The following MYO1G variants were observed in gnomAD, a reference collection of about 807,000 sequenced individuals.
MYO1G encodes the protein unconventional myosin-Ig.
Under a neutral mutation model 115.3 loss-of-function variants are expected in MYO1G, and 65 were observed. The ratio of observed to expected loss-of-function variants is 0.56; its 90% CI spans 0.46 to 0.69. MYO1G has a LOEUF of 0.69. Among genes scored for constraint, MYO1G ranks in the 30% least tolerant of loss-of-function variants. The pLI, the probability that MYO1G is intolerant of heterozygous loss-of-function variation, is 0.00. For missense variants in MYO1G, 1,204 were observed against 1,393.5 expected, an observed-to-expected ratio of 0.86 and a Z score of 2.16; for synonymous variants, 510 against 552.6, an observed-to-expected ratio of 0.92 and a Z score of 1.08.
Position 44,978,967 on chromosome 7 carries a change from C to T in MYO1G, c.-6G>A, listed in dbSNP as rs751474894. On this transcript the variant is annotated 5_prime_UTR_variant, in exon 1 of 22. Transcript: ENST00000258787. The stretch of plus-strand genomic sequence containing the variant: ...GGGCCTTCCTCGTCCTCCATCCTGC[C>T]GGCTGGAAACACCTTGCCTCACCTT... The T allele has an allele frequency of 1.2e-5, 19 of 1,613,748 alleles. No individual in the cohort carries two copies. Among genetic ancestry groups the T allele is most frequent in the Middle Eastern group, 1.6e-4 (1 of 6,084 alleles).
rs1562828257 is a variant in MYO1G at position 44,966,771 on chromosome 7, T to G, written c.1850A>C (p.His617Pro). Residue 617 changes from histidine (H) to proline (P), a missense_variant, in exon 15 of 22, where the codon CAC becomes CCC. Transcript: ENST00000258787. This position sits in a 1 kb window ranked among gnomAD's most constrained non-coding sequence, Gnocchi z 5.0. ...CAGGTATGCGACCTGGTGGCGACAG[T>G]GGTTCTCATCCAGCTTCCCAGCTAC... ...DKVAGKLDEN[H>P]CRHQVAYLGL... 1 of 1,613,606 alleles carries G rather than the reference T, an allele frequency of 6.2e-7. No homozygotes were observed. The highest frequency in any genetic ancestry group is 8.5e-7 in the Non-Finnish European group (1 of 1,179,982).
Position 44,963,195 on chromosome 7 carries a change from C to A in MYO1G, c.2746-71G>T. ...CCAGCCTAGCCGGACTCACCCCCTC[C>A]CCAGGAAGCCTCTGCCGAACCCCCA... On this transcript the variant is annotated intron_variant, in intron 20 of 21. Transcript: ENST00000258787. This position sits in a 1 kb window ranked among gnomAD's most constrained non-coding sequence, Gnocchi z 4.1. 7.3e-7 allele frequency: 1 copy of A among 1,374,970 alleles called. No individual in the cohort carries two copies. The highest frequency in any genetic ancestry group is 1.6e-5 in the South Asian group (1 of 61,572). 85.2% of individuals were successfully genotyped at this position (1,374,970 alleles called of 1,614,324 possible).
chr7:44,967,339 A>G (rs961407876), intron 14 of MYO1G, among the ~76,000 whole-genome samples: 24 of 152,116 alleles, frequency 1.6e-4, no homozygotes, highest in Non-Finnish European at 3.2e-4. Context: ...GGTCTCCCCA[A>G]ACCCCTCCCT....
chr7:44,971,902 C>CT (rs1450952965), intron 6 of MYO1G, 113 bp from the exon 7 acceptor site: 3 of 821,608 alleles, frequency 3.7e-6, no homozygotes, highest in Non-Finnish European at 5.9e-6. Flanking sequence ...CCCCTGTCCC[C>CT]TTCCTGAACC....
chr7:44,971,286 T>C (rs996024636), intron 7 of MYO1G, among the ~76,000 whole-genome samples: 1 of 146,060 alleles, frequency 6.8e-6, no homozygotes, highest in Non-Finnish European at 1.5e-5. Flanking sequence ...AGGCCTCGAG[T>C]CCAAATGACA....
rs970407219 is a variant in MYO1G at position 44,964,651 on chromosome 7, G to C, written c.2527-132C>G. The stretch of plus-strand genomic sequence containing the variant: ...GAAACTGAGTCACACAGACTTGTGC[G>C]TGAGCTGAGCAGCCCTGGATTTCCT... On this transcript the variant is annotated intron_variant, in intron 18 of 21. Coordinates refer to ENST00000258787, the MANE Select transcript of MYO1G (RefSeq NM_033054.3). This position sits in a 1 kb window ranked among gnomAD's most constrained non-coding sequence, Gnocchi z 5.1. 2 of 837,580 alleles carry C rather than the reference G, an allele frequency of 2.4e-6. No homozygotes were observed. The highest frequency in any genetic ancestry group is 3.9e-6 in the Non-Finnish European group (2 of 511,882). The allele number at this position is 837,580 out of a possible 1,614,324, so 51.9% of individuals were successfully genotyped here.
chr7:44,963,922 C>T lies in MYO1G; in HGVS notation c.2745+127G>A, dbSNP rs1341447894. ...GGATTTTCAGCACGGGTGCCACCAT[C>T]GCTGAGTTTTAGGATGGTCTGGGCC... is the stretch of plus-strand genomic sequence containing the variant. On this transcript the variant is annotated intron_variant, in intron 20 of 21. Coordinates refer to ENST00000258787, the MANE Select transcript of MYO1G (RefSeq NM_033054.3). This position sits in a 1 kb window ranked among gnomAD's most constrained non-coding sequence, Gnocchi z 4.1. The T allele has an allele frequency of 1.7e-5, 13 of 759,244 alleles. No homozygotes were observed. Among genetic ancestry groups the T allele is most frequent in the African/African-American group, 1.4e-4 (8 of 57,814 alleles). The allele number at this position is 759,244 out of a possible 1,614,324, so 47.0% of individuals were successfully genotyped here. A position where few individuals can be genotyped will look rare whatever the true frequency, so the allele number is the denominator to read the frequency against.
At position 44,971,781 on chromosome 7, in the gene MYO1G, G is replaced by A. The variant is rs1453916726; in HGVS notation, c.738C>T (p.Asp246=). ...CTGCCTGGTGGCTCTGCTCATCACTGTCCAAGGCCTAGGGTAGAAGGGATT... is the reference window on the plus strand; with the variant it reads ...CTGCCTGGTGGCTCTGCTCATCACTATCCAAGGCCTAGGGTAGAAGGGATT... ...GLNMTVHSAL[D]SDEQSHQAVT... Residue 246 remains aspartate (D), a synonymous_variant, in exon 7 of 22, where the codon GAC becomes GAT. Transcript: ENST00000258787. 1 of 1,555,546 alleles carries A rather than the reference G, an allele frequency of 6.4e-7. No individual in the cohort carries two copies. Among genetic ancestry groups the A allele is most frequent in the East Asian group, 2.4e-5 (1 of 41,396 alleles).
rs1794906380 is a variant in MYO1G at position 44,969,186 on chromosome 7, C to T, written c.1574+227G>A. 2 of 529,458 alleles carry T rather than the reference C, an allele frequency of 3.8e-6. No individual in the cohort carries two copies. Among genetic ancestry groups the T allele is most frequent in the Non-Finnish European group, 6.9e-6 (2 of 290,510 alleles). 32.8% of individuals were successfully genotyped at this position (529,458 alleles called of 1,614,324 possible). The stretch of plus-strand genomic sequence containing the variant: ...ATGAGACGTGGGTATTTTTTAAAGG[C>T]TCCCAGAAGAATGCAGCCATGGTTA... On this transcript the variant is annotated intron_variant, in intron 12 of 21. Transcript: ENST00000258787. This position sits in a 1 kb window ranked among gnomAD's most constrained non-coding sequence, Gnocchi z 5.0.
Position 44,964,214 on chromosome 7 carries a change from G to A in MYO1G, c.2632-52C>T, listed in dbSNP as rs1196637590. ...CTGGTGCTGCCCTGTCACCCACCAG[G>A]GCCCCAGGCTTCGGCAGTCCCTACT... On this transcript the variant is annotated intron_variant, in intron 19 of 21. Transcript: ENST00000258787. The surrounding 1 kb of genome is among the most constrained non-coding windows in gnomAD (Gnocchi z 5.1). 6.6e-7 allele frequency: 1 copy of A among 1,505,796 alleles called. No homozygotes were observed. Among genetic ancestry groups the A allele is most frequent in the Non-Finnish European group, 9.1e-7 (1 of 1,102,544 alleles). The allele number at this position is 1,505,796 out of a possible 1,614,324, so 93.3% of individuals were successfully genotyped here.
intron 5 of MYO1G, 186 bp downstream of exon 5, chr7:44,974,986 CTT>C (rs1263102649): frequency 2.9e-6 from 2 of 681,774 alleles, no homozygotes; most frequent in African/African-American, 3.5e-5. Context: ...GTCACACCCT[CTT>C]GTTTGTGGGG....
Position 44,976,927 on chromosome 7 carries a change from A to C in MYO1G, c.240T>G (p.Ala80=). The C allele has an allele frequency of 6.2e-7, 1 of 1,613,598 alleles. No individual in the cohort carries two copies. Among genetic ancestry groups the C allele is most frequent in the East Asian group, 2.2e-5 (1 of 44,886 alleles). Residue 80 remains alanine (A), a synonymous_variant, in exon 2 of 22, where the codon GCT becomes GCG. Transcript: ENST00000258787. ...TTGCCTTGTAGGCGGCGTTGGCCACAGCATAGAGATGGGGTGGCCGCTCAT... is the reference window on the plus strand; with the variant it reads ...TTGCCTTGTAGGCGGCGTTGGCCACCGCATAGAGATGGGGTGGCCGCTCAT... ...ELYERPPHLY[A]VANAAYKAMK... is the part of the protein sequence containing the mutation.
intron 3 of MYO1G, among the ~76,000 whole-genome samples, chr7:44,976,122 A>T (rs534160142): frequency 6.6e-6 from 1 of 152,306 alleles, no homozygotes; most frequent in African/African-American, 2.4e-5. Flanking sequence ...AGCTGCTTCC[A>T]TAAGGGACAG....
rs374248160 is a variant in MYO1G, at chr7:44,975,652, G to A, written c.399-3C>T. On this transcript the variant is annotated splice_region_variant and splice_polypyrimidine_tract_variant and intron_variant, in intron 3 of 21. Transcript: ENST00000258787. ...ACTTGAGCAGCACGTCCTTGACCCT[G>A]TCAGGGCAGAGGGGCTGGGTCTTAA... 15 of 1,600,678 alleles carry A rather than the reference G, an allele frequency of 9.4e-6. No homozygotes were observed. In the East Asian group the frequency reaches 2.5e-4, roughly 26 times the overall value.
intron 16 of MYO1G, 85 bp from the exon 17 acceptor site, chr7:44,965,945 T>C: frequency 2.6e-6 from 4 of 1,541,124 alleles, no homozygotes; most frequent in South Asian, 1.1e-5. Flanking sequence ...TGAGCATTTA[T>C]TGAGCACTCC....
chr7:44,970,256 G>C, intron 9 of MYO1G, 102 bp from the exon 10 acceptor site: 1 of 872,750 alleles, frequency 1.1e-6, no homozygotes, highest in East Asian at 2.6e-5. Flanking sequence ...TTCATTGAGG[G>C]TTCTGGTGCC....
At chr7:44,970,441 G>C in intron 9 of MYO1G, 151 bp downstream of exon 9, 1 of 973,758 alleles carries the variant, frequency 1.0e-6, no homozygotes, top group Non-Finnish European at 1.5e-6. Flanking sequence ...GTGCAGGTGA[G>C]GCAGGTTTGG....
rs1295998190 is a variant in MYO1G at position 44,964,436 on chromosome 7, G to C, written c.2610C>G (p.Leu870=). The part of the protein sequence containing the change: ...LQDKDGFGAV[L]FSSHVRKVNR... ...TAACCTTGCGGACATGGCTTGAAAA[G>C]AGCACAGCCCCGAAGCCATCTTTGT... Residue 870 remains leucine (L), a synonymous_variant, in exon 19 of 22, where the codon CTC becomes CTG. Transcript: ENST00000258787. The surrounding 1 kb of genome is among the most constrained non-coding windows in gnomAD (Gnocchi z 5.1). 6.2e-7 allele frequency: 1 copy of C among 1,613,730 alleles called. No homozygotes were observed. The highest frequency in any genetic ancestry group is 8.5e-7 in the Non-Finnish European group (1 of 1,179,712).
At chr7:44,970,226 C>T in intron 9 of MYO1G, 72 bp from the exon 10 acceptor site, 1 of 1,043,152 alleles carries the variant, frequency 9.6e-7, no homozygotes. Flanking sequence ...TGGCTGCTCC[C>T]CTGAACATCT....
Sources: gnomAD v4.1 joint callset for allele counts (sites outside exome capture counted in the v4.1 genomes callset) on GRCh38, gnomAD v4.1.1 for gene constraint, Gnocchi (gnomAD v3.1) non-coding constraint, MANE v1.5 for transcripts, NCBI Gene and HGNC (gene_info 2026-07-23, HGNC 2026-07-21) for gene names.